The following SAMMSON variants were observed in gnomAD, a reference collection of about 807,000 sequenced individuals.
SAMMSON encodes survival associated mitochondrial melanoma specific oncogenic non-coding RNA.
intron 3 of SAMMSON, among the ~76,000 whole-genome samples, chr3:70,021,590 G>A (rs893557603): frequency 6.6e-6 from 1 of 152,022 alleles, no homozygotes; most frequent in South Asian, 2.1e-4. Context: ...CCTCTCTTTG[G>A]TCTTCTGTAA....
chr3:70,108,227 C>T (rs1416511367), intron 4 of SAMMSON, among the ~76,000 whole-genome samples: 1 of 151,946 alleles, frequency 6.6e-6, no homozygotes, highest in Non-Finnish European at 1.5e-5. Flanking sequence ...AGGCCAGCTG[C>T]TCAAGCCACA....
At chr3:70,425,855 G>C (rs1010812271) in intron 2 of SAMMSON, among the ~76,000 whole-genome samples, 1 of 152,162 alleles carries the variant, frequency 6.6e-6, no homozygotes, top group African/African-American at 2.4e-5. Context: ...TTATTTGAAA[G>C]GAAACATTTC....
chr3:70,125,333 T>G (rs572107570), intron 4 of SAMMSON: 1 of 1,429,514 alleles, frequency 7.0e-7, no homozygotes, highest in East Asian at 2.4e-5. Flanking sequence ...TTGAACATGT[T>G]TAGCTAAATT....
At chr3:70,074,782 C>T (rs1385234774) in intron 4 of SAMMSON, 1 of 152,120 alleles carries the variant, frequency 6.6e-6, no homozygotes, top group African/African-American at 2.4e-5. Flanking sequence ...CATCATTGAA[C>T]ATCTCTCTTC....
At chr3:70,310,309 A>T (rs1243506656) in intron 7 of SAMMSON, among the ~76,000 whole-genome samples, 2 of 151,946 alleles carry the variant, frequency 1.3e-5, no homozygotes, top group Non-Finnish European at 2.9e-5. Flanking sequence ...ATTGGGCAGA[A>T]ATAATCATCT....
chr3:70,357,553 A>G (rs912276567), intron 8 of SAMMSON, among the ~76,000 whole-genome samples: 3 of 152,102 alleles, frequency 2.0e-5, no homozygotes, highest in African/African-American at 7.2e-5. Context: ...ACATGGACAC[A>G]GAGTGGGGAA....
intron 3 of SAMMSON, among the ~76,000 whole-genome samples, chr3:70,034,506 G>T (rs1480311464): frequency 6.6e-6 from 1 of 152,150 alleles, no homozygotes; most frequent in African/African-American, 2.4e-5. Flanking sequence ...ATCTGTGGGT[G>T]ATTTGAACTT....
intron 9 of SAMMSON, among the ~76,000 whole-genome samples, chr3:70,383,804 C>G (rs1409507580): frequency 6.6e-6 from 1 of 151,864 alleles, no homozygotes; most frequent in Non-Finnish European, 1.5e-5. Flanking sequence ...TTGCTACTAA[C>G]GCATTATTAT....
At chr3:70,106,364 A>C (rs2067367142) in intron 4 of SAMMSON, among the ~76,000 whole-genome samples, 1 of 151,050 alleles carries the variant, frequency 6.6e-6, no homozygotes, top group South Asian at 2.1e-4. Flanking sequence ...TTTAAGAGAC[A>C]GGGTCTAGCT....
At chr3:70,145,764 T>G (rs6549278) in intron 4 of SAMMSON, among the ~76,000 whole-genome samples, 150,189 of 152,066 alleles carry the variant, frequency 0.99, 74,193 homozygotes, top group East Asian at 1. Context: ...TCTCAAAGAA[T>G]TAATCTTACC....
intron 4 of SAMMSON, among the ~76,000 whole-genome samples, chr3:70,232,710 A>G (rs1701572105): frequency 6.6e-6 from 1 of 152,114 alleles, no homozygotes; most frequent in South Asian, 2.1e-4. Context: ...AAGAGAGGTA[A>G]TTAGTCACAA....
chr3:70,396,463 T>A (rs573296641), intron 2 of SAMMSON, among the ~76,000 whole-genome samples: 1 of 152,312 alleles, frequency 6.6e-6, no homozygotes, highest in East Asian at 1.9e-4. Context: ...TTCATGTGTT[T>A]ACCCATTCAG....
At chr3:70,220,069 T>G (rs6804800) in intron 4 of SAMMSON, among the ~76,000 whole-genome samples, 1 of 152,012 alleles carries the variant, frequency 6.6e-6, no homozygotes, top group South Asian at 2.1e-4. Flanking sequence ...CAAGGAAAAC[T>G]AGATCAAATG....
At chr3:70,351,597 T>C (rs1262536259) in intron 7 of SAMMSON, among the ~76,000 whole-genome samples, 3 of 151,968 alleles carry the variant, frequency 2.0e-5, no homozygotes, top group Non-Finnish European at 4.4e-5. Context: ...AGAAACAACA[T>C]AGTAGTGAAT....
At chr3:70,056,138 C>T (rs1383440979) in intron 3 of SAMMSON, among the ~76,000 whole-genome samples, 3 of 152,026 alleles carry the variant, frequency 2.0e-5, no homozygotes, top group Admixed American at 1.3e-4. Context: ...CTTCTTGTCA[C>T]ACCTCAAAGT....
chr3:70,187,702 C>T (rs1701102287), intron 4 of SAMMSON, among the ~76,000 whole-genome samples: 1 of 151,882 alleles, frequency 6.6e-6, no homozygotes, highest in South Asian at 2.1e-4. Context: ...TCCCAAAGTG[C>T]TGGGATTACA....
chr3:70,131,479 C>T (rs1031162806), intron 4 of SAMMSON, among the ~76,000 whole-genome samples: 16 of 152,146 alleles, frequency 1.1e-4, no homozygotes, highest in African/African-American at 3.9e-4. Context: ...TTGTCTGGGG[C>T]AGGGTGAATA....
intron 7 of SAMMSON, among the ~76,000 whole-genome samples, chr3:70,352,876 G>A (rs568795357): frequency 6.6e-6 from 1 of 152,146 alleles, no homozygotes; most frequent in Admixed American, 6.6e-5. Context: ...GGTATTGGTT[G>A]AGGAATACAT....
intron 4 of SAMMSON, among the ~76,000 whole-genome samples, chr3:70,171,198 A>G (rs1700943820): frequency 2.0e-5 from 3 of 151,868 alleles, no homozygotes; most frequent in Admixed American, 2.0e-4. Context: ...TTTCTCACAA[A>G]TTAAGAGCTC....
Sources: allele counts gnomAD v4.1 joint callset (sites outside exome capture counted in the v4.1 genomes callset), GRCh38; gene constraint gnomAD v4.1.1; transcripts MANE v1.5; gene names NCBI Gene and HGNC (gene_info 2026-07-23, HGNC 2026-07-21).